FAM3D: variants seen among roughly 807,000 people sequenced by gnomAD.
The protein encoded by FAM3D is protein FAM3D.
FAM3D carries 26 observed loss-of-function variants against 29.8 expected under a neutral mutation model. That is an observed-to-expected ratio of 0.87 (90% CI 0.64 to 1.21). FAM3D has a LOEUF of 1.21. FAM3D is among the 50% of genes most tolerant of loss of function. FAM3D has a pLI of 0.00. For missense variants in FAM3D, 253 were observed against 290.9 expected, an observed-to-expected ratio of 0.87 and a Z score of 0.95; for synonymous variants, 115 against 102.3, an observed-to-expected ratio of 1.12 and a Z score of -0.75.
chr3:58,639,513 G>A (rs2066268112), intron 7 of FAM3D, among the ~76,000 whole-genome samples: 1 of 152,170 alleles, frequency 6.6e-6, no homozygotes, highest in African/African-American at 2.4e-5. Context: ...CCCCTGGCCT[G>A]TCCCCATCTC....
rs972451895 is a variant in FAM3D, at chr3:58,652,683, C to T, written c.121+991G>A. Among the ~76,000 whole-genome samples the T allele has an allele frequency of 6.6e-5, 10 of 152,268 alleles. No individual in the cohort carries two copies. In the East Asian group the frequency reaches 1.5e-3, roughly 23 times the overall value. On this transcript the variant is annotated intron_variant, in intron 3 of 9. Transcript: ENST00000358781. ...CCCTCCATCTATCCATCCAGCCATTCACACATTCACCCACTCACTCATCCA... is the reference window on the plus strand; with the variant it reads ...CCCTCCATCTATCCATCCAGCCATTTACACATTCACCCACTCACTCATCCA...
intron 1 of FAM3D, among the ~76,000 whole-genome samples, chr3:58,657,252 A>C (rs2066830981): frequency 6.6e-6 from 1 of 152,004 alleles, no homozygotes; most frequent in African/African-American, 2.4e-5. Flanking sequence ...ATGGAAGGAC[A>C]GGGACAGGGT....
intron 7 of FAM3D, among the ~76,000 whole-genome samples, chr3:58,638,922 G>C (rs899646460): frequency 4.6e-5 from 7 of 152,318 alleles, no homozygotes; most frequent in Admixed American, 1.3e-4. Flanking sequence ...ACGGTCTGGT[G>C]CTTGTCTGGA....
chr3:58,664,383 G>A (rs115794784), intron 1 of FAM3D, among the ~76,000 whole-genome samples: 57 of 151,066 alleles, frequency 3.8e-4, no homozygotes, highest in African/African-American at 1.3e-3. Context: ...TAATTTATCT[G>A]ATAGGCTGTG....
At chr3:58,660,039 C>A (rs1191544086) in intron 1 of FAM3D, among the ~76,000 whole-genome samples, 2 of 152,186 alleles carry the variant, frequency 1.3e-5, no homozygotes, top group African/African-American at 2.4e-5. Flanking sequence ...GGCAAGGCTT[C>A]ATAGCAGGGG....
rs373426023 is a variant in FAM3D at position 58,646,192 on chromosome 3, C to A, written c.146-566G>T. The stretch of plus-strand genomic sequence containing the variant: ...TGCTCAGTACACATTGGCTATTCTT[C>A]TCATCATTCATTCATTTATCACTCA... On this transcript the variant is annotated intron_variant, in intron 4 of 9. Coordinates refer to ENST00000358781, the MANE Select transcript of FAM3D (RefSeq NM_138805.3). Among the ~76,000 whole-genome samples the A allele has an allele frequency of 1.4e-4, 22 of 152,374 alleles. No individual in the cohort carries two copies. In the South Asian group the frequency reaches 4.6e-3, roughly 32 times the overall value.
At chr3:58,654,130 A>G (rs2066722820) in intron 2 of FAM3D, among the ~76,000 whole-genome samples, 2 of 152,186 alleles carry the variant, frequency 1.3e-5, no homozygotes, top group African/African-American at 4.8e-5. Context: ...GGGAGGCCTG[A>G]GAACTGCAGT....
intron 7 of FAM3D, among the ~76,000 whole-genome samples, chr3:58,638,266 C>T (rs890945127): frequency 6.6e-6 from 1 of 152,092 alleles, no homozygotes; most frequent in Admixed American, 6.5e-5. Flanking sequence ...AATATAGTTT[C>T]CTTTTAAGAT....
chr3:58,663,966 C>T (rs551790827), intron 1 of FAM3D, among the ~76,000 whole-genome samples: 26 of 152,334 alleles, frequency 1.7e-4, no homozygotes, highest in African/African-American at 6.0e-4. Flanking sequence ...TTGTGAGGTC[C>T]CCCTTCTGCA....
At chr3:58,636,759 T>C (rs951384715) in intron 8 of FAM3D, among the ~76,000 whole-genome samples, 1 of 63,474 alleles carries the variant, frequency 1.6e-5, no homozygotes, top group Non-Finnish European at 3.3e-5. Context: ...TGTATGTATT[T>C]CCATACAGTG....
chr3:58,659,120 C>T (rs1312933374), intron 1 of FAM3D, among the ~76,000 whole-genome samples: 1 of 152,198 alleles, frequency 6.6e-6, no homozygotes, highest in Non-Finnish European at 1.5e-5. Flanking sequence ...TGCTATCTAC[C>T]TGTCCTGGAA....
At chr3:58,645,716 G>A (rs865911193) in intron 4 of FAM3D, 90 bp from the exon 5 acceptor site, 14 of 1,103,654 alleles carry the variant, frequency 1.3e-5, no homozygotes, top group East Asian at 9.5e-5. Flanking sequence ...GGGCCAGGGC[G>A]CAGCTTGGGA....
intron 1 of FAM3D, among the ~76,000 whole-genome samples, chr3:58,665,800 A>T (rs558955264): frequency 6.6e-6 from 1 of 152,324 alleles, no homozygotes; most frequent in South Asian, 2.1e-4. Context: ...TGATAGGAAG[A>T]TTAAATGTGT....
chr3:58,643,050 T>G (rs9874352), intron 6 of FAM3D, among the ~76,000 whole-genome samples: 97,125 of 152,046 alleles, frequency 0.64, 31,890 homozygotes, highest in South Asian at 0.77. Context: ...ATCAGCTCCC[T>G]CTGGAAGCCT....
chr3:58,648,697 C>G (rs1406108375), intron 4 of FAM3D, among the ~76,000 whole-genome samples: 2 of 152,184 alleles, frequency 1.3e-5, no homozygotes, highest in African/African-American at 2.4e-5. Context: ...TCCTGACTCT[C>G]TAGCCAAGGA....
chr3:58,640,934 C>T (rs1221369652), intron 6 of FAM3D, among the ~76,000 whole-genome samples: 2 of 152,134 alleles, frequency 1.3e-5, no homozygotes, highest in East Asian at 1.9e-4. Context: ...AGCCACGTAG[C>T]GTGAACGGAA....
At position 58,636,331 on chromosome 3, in the gene FAM3D, C is replaced by G. The variant is rs528711798; in HGVS notation, c.548G>C (p.Gly183Ala). Residue 183 changes from glycine to alanine, a missense_variant, in exon 9 of 10, where the codon GGA (glycine) becomes GCA (alanine). Transcript: ENST00000358781. ...LGFRDSWVFI[G>A]AKDLRGKSPF... The stretch of plus-strand genomic sequence containing the variant: ...GCTTTTACCCCTGAGGTCTTTGGCT[C>G]CTATGAAGACCCAGCTGTCCCGGAA... 3.7e-6 allele frequency: 6 copies of G among 1,614,080 alleles called. No individual in the cohort carries two copies. In the African/African-American group the frequency reaches 8.0e-5, roughly 22 times the overall value.
chr3:58,666,376 T>C (rs1191921929), intron 1 of FAM3D, among the ~76,000 whole-genome samples, 200 bp downstream of exon 1: 1 of 152,218 alleles, frequency 6.6e-6, no homozygotes, highest in African/African-American at 2.4e-5. Flanking sequence ...TCAGGCCTGG[T>C]GCCTCAGATG....
At chr3:58,649,032 G>T (rs1042130458) in intron 4 of FAM3D, among the ~76,000 whole-genome samples, 17 of 152,152 alleles carry the variant, frequency 1.1e-4, no homozygotes, top group Non-Finnish European at 2.2e-4. Flanking sequence ...GGCAGGGTTC[G>T]GTCCAGACTG....
Sources: gnomAD v4.1 joint callset for allele counts (sites outside exome capture counted in the v4.1 genomes callset) on GRCh38, gnomAD v4.1.1 for gene constraint, MANE v1.5 for transcripts, NCBI Gene and HGNC (gene_info 2026-07-23, HGNC 2026-07-21) for gene names.